FARP2: variants seen among roughly 807,000 people sequenced by gnomAD.
The protein encoded by FARP2 is FERM, ARH/RhoGEF and pleckstrin domain protein 2, also known as FERM, ARHGEF and pleckstrin domain-containing protein 2.
FARP2 carries 111 observed loss-of-function variants against 130.5 expected under a neutral mutation model. The observed-to-expected ratio is 0.85, with a 90% CI of 0.73 to 1.00. The LOEUF is 1.00. Among genes scored for constraint, FARP2 ranks in the 50% least tolerant of loss-of-function variants. The pLI is 0.00. For synonymous variants in FARP2, 504 were observed against 516.9 expected (o/e 0.98, Z 0.34); for missense variants, 1,385 against 1,346.3 (o/e 1.03, Z -0.45).
In FARP2 at chr2:241,411,040, T is replaced by C. The variant is rs2150361511; in HGVS notation, c.418T>C (p.Phe140Leu). 6.2e-7 allele frequency: 1 copy of C among 1,606,880 alleles called. No homozygotes were observed. Among genetic ancestry groups the C allele is most frequent in the East Asian group, 2.2e-5 (1 of 44,832 alleles). The change falls in exon 6 of 27, where the codon TTT (phenylalanine) becomes CTT (leucine). Residue 140 changes from phenylalanine to leucine, a missense_variant. By Grantham distance (22) the Phe-to-Leu change is conservative. Transcript: ENST00000264042. Reference sequence around the variant, plus strand: ...TTTTGAACTCTCTTCTAGATACTTGTTTGCCTTGCAACTTAAGAGAGACCT... The same window carrying C: ...TTTTGAACTCTCTTCTAGATACTTGCTTGCCTTGCAACTTAAGAGAGACCT... ...QLQEEYTRYL[F>L]ALQLKRDLLE...
At chr2:241,466,968 C>A (rs1462758910) in intron 17 of FARP2, among the ~76,000 whole-genome samples, 1 of 151,230 alleles carries the variant, frequency 6.6e-6, no homozygotes, top group African/African-American at 2.4e-5. Flanking sequence ...AAAATGTAAC[C>A]CTTTAGCTGA....
chr2:241,416,048 G>A (rs1347270967), intron 7 of FARP2, among the ~76,000 whole-genome samples: 1 of 149,408 alleles, frequency 6.7e-6, no homozygotes, highest in Non-Finnish European at 1.5e-5. Flanking sequence ...GGTGTGTTCT[G>A]TGTATACATG....
At chr2:241,423,441 T>C (rs2062858973) in intron 8 of FARP2, among the ~76,000 whole-genome samples, 1 of 152,166 alleles carries the variant, frequency 6.6e-6, no homozygotes, top group South Asian at 2.1e-4. Flanking sequence ...AGGCCTGCTT[T>C]GCAAGAGCTC....
At chr2:241,386,282 G>A (rs1265110684) in intron 2 of FARP2, among the ~76,000 whole-genome samples, 1 of 152,088 alleles carries the variant, frequency 6.6e-6, no homozygotes, top group African/African-American at 2.4e-5. Context: ...ATGGGGTCCC[G>A]CTGTTGTTGC....
At chr2:241,464,793 A>C (rs559773590) in intron 17 of FARP2, among the ~76,000 whole-genome samples, 2 of 151,934 alleles carry the variant, frequency 1.3e-5, no homozygotes, top group African/African-American at 2.4e-5. Flanking sequence ...TCAGAACTCT[A>C]TCTTCCTCAA....
Position 241,404,838 on chromosome 2 carries a change from C to A in FARP2, c.328C>A (p.Arg110=). 6.2e-7 allele frequency: 1 copy of A among 1,607,306 alleles called. No individual in the cohort carries two copies. Among genetic ancestry groups the A allele is most frequent in the Non-Finnish European group, 8.5e-7 (1 of 1,174,092 alleles). Residue 110 remains arginine (R), a synonymous_variant, in exon 4 of 27, where the codon CGA becomes AGA. Transcript: ENST00000264042. ...TATGAAACCCATCATTAGGCAAATA[C>A]GAAGTAAGTCCTTGGTTTGACTCTT... The part of the protein sequence containing the change: ...EPMKPIIRQI[R]RPKNVVLRLA...
chr2:241,409,968 T>C (rs2062472474), intron 5 of FARP2, among the ~76,000 whole-genome samples: 2 of 152,210 alleles, frequency 1.3e-5, no homozygotes, highest in Admixed American at 1.3e-4. Context: ...AAAGGGTATG[T>C]ACATCCTGAA....
intron 8 of FARP2, among the ~76,000 whole-genome samples, chr2:241,422,279 A>T (rs2062829616): frequency 6.9e-6 from 1 of 145,312 alleles, no homozygotes; most frequent in Non-Finnish European, 1.5e-5. Context: ...AAAAAAAAAA[A>T]ATTAACCACG....
intron 18 of FARP2, among the ~76,000 whole-genome samples, chr2:241,471,942 G>GGTAGTGCTGTTT (rs2064327558): frequency 9.7e-5 from 6 of 61,560 alleles, no homozygotes; most frequent in South Asian, 3.4e-4. Flanking sequence ...ATGTTCTGTG[G>GGTAGTGCTGTTT]TGATCCTGTT....
intron 1 of FARP2, among the ~76,000 whole-genome samples, chr2:241,364,097 G>A (rs1290967053): frequency 6.6e-6 from 1 of 152,204 alleles, no homozygotes; most frequent in Admixed American, 6.5e-5. Context: ...GCCTGGATTC[G>A]TTGTCTAGAT....
At chr2:241,490,541 C>T (rs993838426) in intron 22 of FARP2, among the ~76,000 whole-genome samples, 1 of 152,214 alleles carries the variant, frequency 6.6e-6, no homozygotes, top group Non-Finnish European at 1.5e-5. Flanking sequence ...ACAGCTCCCT[C>T]CTCCCCAGAT....
chr2:241,493,313 C>T lies in FARP2; in HGVS notation c.2916C>T (p.Ser972=). ...KTHQDDYPLA[S]LPLLGYSVSI... Reference sequence around the variant, plus strand: ...TGCAGGATGACTACCCACTGGCCAGCCTCCCGCTGCTGGGCTACAGCGTGA... The same window carrying T: ...TGCAGGATGACTACCCACTGGCCAGTCTCCCGCTGCTGGGCTACAGCGTGA... Residue 972 remains serine (S), a synonymous_variant, in exon 26 of 27, where the codon AGC becomes AGT. Transcript: ENST00000264042. The T allele has an allele frequency of 6.2e-7, 1 of 1,613,864 alleles. No individual in the cohort carries two copies. The highest frequency in any genetic ancestry group is 8.5e-7 in the Non-Finnish European group (1 of 1,179,986).
intron 19 of FARP2, among the ~76,000 whole-genome samples, chr2:241,483,047 T>A (rs2064657621): frequency 1.3e-5 from 2 of 148,480 alleles, no homozygotes; most frequent in East Asian, 3.9e-4. Context: ...CTAATTTGAA[T>A]ACTTAGGAGA....
intron 1 of FARP2, among the ~76,000 whole-genome samples, chr2:241,368,581 C>A (rs1377170997): frequency 6.6e-6 from 1 of 152,064 alleles, no homozygotes; most frequent in Non-Finnish European, 1.5e-5. Context: ...GGCTTTGACA[C>A]CGAGGTTAAC....
At chr2:241,453,835 G>C (rs2063760551) in intron 13 of FARP2, among the ~76,000 whole-genome samples, 1 of 129,278 alleles carries the variant, frequency 7.7e-6, no homozygotes, top group African/African-American at 2.9e-5. Flanking sequence ...CCAGGCTGGA[G>C]TGCAGTGGTG....
At chr2:241,466,947 TAAAAA>T (rs111497599) in intron 17 of FARP2, among the ~76,000 whole-genome samples, 1 of 145,220 alleles carries the variant, frequency 6.9e-6, no homozygotes, top group Admixed American at 6.9e-5. Flanking sequence ...AGTGTTTTGT[TAAAAA>T]AAAAAAAAAT....
intron 12 of FARP2, among the ~76,000 whole-genome samples, chr2:241,440,491 T>A (rs895248772): frequency 6.6e-6 from 1 of 152,076 alleles, no homozygotes; most frequent in African/African-American, 2.4e-5. Flanking sequence ...TCATCCTGCT[T>A]GGGAGCTGCT....
At chr2:241,434,468 A>G in intron 10 of FARP2, 147 bp downstream of exon 10, 1 of 618,864 alleles carries the variant, frequency 1.6e-6, no homozygotes. Context: ...TAACTAGAGG[A>G]AGCATATGAA....
Position 241,434,838 on chromosome 2 carries a change from A to G in FARP2, c.1032-124A>G, listed in dbSNP as rs1574818172. 1.6e-4 allele frequency: 111 copies of G among 682,250 alleles called. 1 individual carries two copies. The East Asian group carries it at 3.1e-3, about 19-fold the overall frequency. The allele number at this position is 682,250 out of a possible 1,614,324, so 42.3% of individuals were successfully genotyped here. On this transcript the variant is annotated intron_variant, in intron 10 of 26. Transcript: ENST00000264042. ...GCAATAGAGCGAGACTCAGTCTCAA[A>G]AAATAAAATATATGTGTGTATATTT...
Sources: gnomAD v4.1 joint callset for allele counts (sites outside exome capture counted in the v4.1 genomes callset) on GRCh38, gnomAD v4.1.1 for gene constraint, MANE v1.5 for transcripts, NCBI Gene and HGNC (gene_info 2026-07-23, HGNC 2026-07-21) for gene names.